Variants in PDE4D observed in about 807,000 individuals in gnomAD.
The protein encoded by PDE4D is 3',5'-cyclic-AMP phosphodiesterase 4D.
In PDE4D, 24 loss-of-function variants were observed where a neutral mutation model predicts 87.4. That is an observed-to-expected ratio of 0.27 (90% CI 0.20 to 0.39). The LOEUF is 0.39. Among genes scored for constraint, PDE4D ranks in the 10% least tolerant of loss-of-function variants. PDE4D has a pLI of 1.00. For synonymous variants in PDE4D, 384 were observed against 383.2 expected (o/e 1.00, Z -0.02); for missense variants, 714 against 1,041.0 (o/e 0.69, Z 4.32).
intron 2 of PDE4D, among the ~76,000 whole-genome samples, chr5:60,108,630 C>G (rs1582698712): frequency 2.0e-5 from 3 of 151,968 alleles, no homozygotes; most frequent in Non-Finnish European, 2.9e-5. Flanking sequence ...CTACAGTAAC[C>G]AAAACAGCAT....
At chr5:60,311,113 G>A (rs2149813664) in intron 1 of PDE4D, among the ~76,000 whole-genome samples, 1 of 151,932 alleles carries the variant, frequency 6.6e-6, no homozygotes, top group South Asian at 2.1e-4. Flanking sequence ...CACCTCCCAG[G>A]TTCAAGCAAT....
In PDE4D at chr5:59,724,087, T is replaced by C. The variant is rs186244009; in HGVS notation, c.455+169081A>G. ...GGGATTGAGGGATGGTGATTTTACT[T>C]GGTCCTTCTAGGACCTATTTGAAGA... On this transcript the variant is annotated intron_variant, in intron 1 of 14. Coordinates refer to ENST00000340635, the MANE Select transcript of PDE4D (RefSeq NM_001104631.2). Among the ~76,000 whole-genome samples, 208 of 152,268 alleles carry C rather than the reference T, an allele frequency of 1.4e-3. 1 individual carries two copies. Among genetic ancestry groups the C allele is most frequent in the African/African-American group, 4.7e-3 (196 of 41,582 alleles).
chr5:60,231,391 A>G (rs1256399422), intron 1 of PDE4D, among the ~76,000 whole-genome samples: 1 of 151,974 alleles, frequency 6.6e-6, no homozygotes, highest in Non-Finnish European at 1.5e-5. Context: ...CAAATTATTT[A>G]TGTTGGTGAC....
chr5:60,221,094 A>C (rs952609616), intron 1 of PDE4D, among the ~76,000 whole-genome samples: 2 of 152,136 alleles, frequency 1.3e-5, no homozygotes, highest in African/African-American at 4.8e-5. Context: ...GGAATATAAC[A>C]ATTGAAAGTG....
At chr5:59,549,375 G>C (rs1817755012) in intron 1 of PDE4D, among the ~76,000 whole-genome samples, 1 of 152,180 alleles carries the variant, frequency 6.6e-6, no homozygotes. Context: ...TTTCCAGGCA[G>C]TTTTACTGTT....
chr5:59,482,920 T>C (rs1434050307), intron 1 of PDE4D, among the ~76,000 whole-genome samples: 1 of 152,126 alleles, frequency 6.6e-6, no homozygotes, highest in African/African-American at 2.4e-5. Context: ...ATCTGGGGTA[T>C]GTGTGTGAGG....
chr5:59,133,717 C>T (rs916022429), intron 5 of PDE4D, among the ~76,000 whole-genome samples: 1 of 152,154 alleles, frequency 6.6e-6, no homozygotes. Flanking sequence ...CTGCAATTGC[C>T]TCATGTTTTC....
At chr5:60,437,305 T>C (rs1287155369) in intron 1 of PDE4D, among the ~76,000 whole-genome samples, 2 of 151,672 alleles carry the variant, frequency 1.3e-5, no homozygotes, top group African/African-American at 4.8e-5. Flanking sequence ...TTGACCGGTC[T>C]CTAAGTCTAA....
At chr5:60,153,246 A>C (rs1781669830) in intron 2 of PDE4D, among the ~76,000 whole-genome samples, 1 of 152,244 alleles carries the variant, frequency 6.6e-6, no homozygotes, top group Non-Finnish European at 1.5e-5. Flanking sequence ...AAAAGAAGAC[A>C]TGCAAATGGC....
intron 5 of PDE4D, among the ~76,000 whole-genome samples, chr5:59,119,252 A>G (rs146528345): frequency 3.2e-4 from 48 of 152,284 alleles, no homozygotes; most frequent in African/African-American, 1.1e-3. Context: ...AGATCCAGGA[A>G]TCTTTCTAAT....
intron 1 of PDE4D, among the ~76,000 whole-genome samples, chr5:59,451,315 C>T (rs575602098): frequency 1.3e-5 from 2 of 152,280 alleles, no homozygotes; most frequent in South Asian, 4.1e-4. Context: ...ACAGGACTCT[C>T]TTGTTCTCCT....
intron 1 of PDE4D, among the ~76,000 whole-genome samples, chr5:59,376,318 T>C (rs1432387169): frequency 1.3e-5 from 2 of 152,152 alleles, no homozygotes; most frequent in Non-Finnish European, 2.9e-5. Context: ...CTTAAACTGA[T>C]AAACAACTTC....
At chr5:59,592,376 G>A (rs1826037742) in intron 1 of PDE4D, among the ~76,000 whole-genome samples, 1 of 152,114 alleles carries the variant, frequency 6.6e-6, no homozygotes, top group Non-Finnish European at 1.5e-5. Flanking sequence ...AATGCATCAT[G>A]TTTCAGCAAG....
At chr5:60,239,666 T>C (rs973291052) in intron 1 of PDE4D, among the ~76,000 whole-genome samples, 1 of 152,128 alleles carries the variant, frequency 6.6e-6, no homozygotes, top group South Asian at 2.1e-4. Flanking sequence ...TTAGATTTAT[T>C]ACTACATGTT....
At chr5:60,186,133 TGC>T (rs1222336860) in intron 1 of PDE4D, among the ~76,000 whole-genome samples, 1 of 152,170 alleles carries the variant, frequency 6.6e-6, no homozygotes, top group Admixed American at 6.5e-5. Context: ...TCTGAGCAAC[TGC>T]ATCATTGCGT....
chr5:59,836,793 G>A (rs547042324), intron 1 of PDE4D, among the ~76,000 whole-genome samples: 1 of 152,158 alleles, frequency 6.6e-6, no homozygotes, highest in East Asian at 1.9e-4. Context: ...ATGAGAGAGA[G>A]AAAGAGAAAT....
At chr5:59,893,767 G>A (rs1561829685), upstream of PDE4D, 1 of 1,350,066 alleles carries the variant, frequency 7.4e-7, no homozygotes, top group Non-Finnish European at 9.4e-7. Flanking sequence ...ACTTGAAGGC[G>A]CCAGAGCCTC....
intron 1 of PDE4D, among the ~76,000 whole-genome samples, chr5:59,471,135 C>T (rs570669942): frequency 8.7e-4 from 133 of 152,238 alleles, no homozygotes; most frequent in Non-Finnish European, 1.4e-3. Flanking sequence ...GTCATAGCTA[C>T]TAGGGAGGCA....
upstream of PDE4D, among the ~76,000 whole-genome samples, chr5:59,895,417 G>T (rs1011662532): frequency 6.6e-6 from 1 of 152,190 alleles, no homozygotes; most frequent in African/African-American, 2.4e-5. Flanking sequence ...GAGAAAGGTT[G>T]TGTCTTAAGA....
Sources: gnomAD v4.1 joint callset for allele counts (sites outside exome capture counted in the v4.1 genomes callset) on GRCh38, gnomAD v4.1.1 for gene constraint, MANE v1.5 for transcripts, NCBI Gene and HGNC (gene_info 2026-07-23, HGNC 2026-07-21) for gene names.